SPON1: variants seen among roughly 807,000 people sequenced by gnomAD.
SPON1 encodes the protein spondin 1, also known as spondin-1.
In SPON1, 52 loss-of-function variants were observed where a neutral mutation model predicts 111.7. That is an observed-to-expected ratio of 0.47 (90% confidence interval 0.37 to 0.59). The LOEUF (loss-of-function observed/expected upper bound fraction) is 0.59. SPON1 is among the 20% of genes least tolerant of loss of function. The pLI is 0.00. For synonymous variants in SPON1, 410 were observed against 395.8 expected, an observed-to-expected ratio of 1.04 and a Z score of -0.43; for missense variants, 957 against 1,068.5, an observed-to-expected ratio of 0.90 and a Z score of 1.46.
At chr11:14,183,105 A>T (rs782292986) in intron 6 of SPON1, among the ~76,000 whole-genome samples, 1 of 152,264 alleles carries the variant, frequency 6.6e-6, no homozygotes, top group Non-Finnish European at 1.5e-5. Flanking sequence ...GGCAGCAATT[A>T]AACTTAAATT....
At chr11:14,024,136 G>A (rs782795659) in intron 2 of SPON1, among the ~76,000 whole-genome samples, 3 of 152,194 alleles carry the variant, frequency 2.0e-5, no homozygotes, top group Non-Finnish European at 2.9e-5. Context: ...AGATGGACAG[G>A]TGCAGAGGTC....
intron 5 of SPON1, among the ~76,000 whole-genome samples, chr11:14,084,538 C>T (rs1418030557): frequency 6.6e-6 from 1 of 152,146 alleles, no homozygotes; most frequent in Non-Finnish European, 1.5e-5. Context: ...TTTCTTTATC[C>T]AGTCTATCAC....
At chr11:14,116,212 C>A (rs1036878658) in intron 5 of SPON1, among the ~76,000 whole-genome samples, 2 of 152,028 alleles carry the variant, frequency 1.3e-5, no homozygotes, top group African/African-American at 4.8e-5. Context: ...CTTTTCTAAT[C>A]TTTTGGTAAA....
In SPON1 at chr11:14,256,491, A is replaced by G. The variant is rs535615555; in HGVS notation, c.1234-126A>G. Reference sequence around the variant, plus strand: ...TCAGGCAGATTGTAAATGTTGGTCCAGAACTTTGCCATGGCATACGATTTG... The same window carrying G: ...TCAGGCAGATTGTAAATGTTGGTCCGGAACTTTGCCATGGCATACGATTTG... On this transcript the variant is annotated intron_variant, in intron 9 of 15. Coordinates refer to ENST00000576479, the MANE Select transcript of SPON1 (RefSeq NM_006108.4). 3.8e-4 allele frequency: 238 copies of G among 625,776 alleles called. 1 individual carries two copies. The highest frequency in any genetic ancestry group is 5.9e-4 in the Non-Finnish European group (214 of 360,054). 38.8% of individuals were successfully genotyped at this position (625,776 alleles called of 1,614,324 possible). A position where few individuals can be genotyped will look rare whatever the true frequency, so the allele number is the denominator to read the frequency against.
Position 14,262,953 on chromosome 11 carries a change from G to A in SPON1, c.2238G>A (p.Glu746=), listed in dbSNP as rs1170702960. The change falls in exon 15 of 16, where the codon GAG becomes GAA. Residue 746 remains glutamate (E), a synonymous_variant. Transcript: ENST00000576479. ...ESRRSEQLKE[E]SEGEQFPGCR... ...GGCGGAGTGAGCAGCTGAAGGAAGA[G>A]TCTGAAGGGGAGCAGTTCCCAGGTA... 1.2e-6 allele frequency: 2 copies of A among 1,613,216 alleles called. No homozygotes were observed. The highest frequency in any genetic ancestry group is 2.2e-5 in the East Asian group (1 of 44,836).
At chr11:14,088,346 A>G (rs1849023190) in intron 5 of SPON1, among the ~76,000 whole-genome samples, 1 of 152,136 alleles carries the variant, frequency 6.6e-6, no homozygotes, top group African/African-American at 2.4e-5. Context: ...ATCCCTCAGC[A>G]TTTGCTTGTC....
At chr11:14,127,680 T>C (rs1262678646) in intron 5 of SPON1, among the ~76,000 whole-genome samples, 1 of 152,266 alleles carries the variant, frequency 6.6e-6, no homozygotes, top group Middle Eastern at 3.2e-3. Context: ...GAGCGTTTAA[T>C]GAGATAACAT....
chr11:14,122,625 T>C (rs782527036), intron 5 of SPON1, among the ~76,000 whole-genome samples: 15 of 152,232 alleles, frequency 9.9e-5, no homozygotes, highest in Non-Finnish European at 1.8e-4. Flanking sequence ...TCATTTTGAA[T>C]TGTTTTCATC....
At chr11:14,225,327 C>T (rs77580846) in intron 6 of SPON1, among the ~76,000 whole-genome samples, 1,630 of 152,188 alleles carry the variant, frequency 0.011, 15 homozygotes, top group Non-Finnish European at 0.015. Flanking sequence ...CTACAAAGAA[C>T]ATATTTTGTA....
chr11:14,109,187 T>C (rs569741073), intron 5 of SPON1, among the ~76,000 whole-genome samples: 47 of 152,162 alleles, frequency 3.1e-4, no homozygotes, highest in Non-Finnish European at 5.9e-4. Context: ...TGTTTATCAT[T>C]CTGCACTTGA....
At chr11:14,134,138 A>G (rs118178610) in intron 5 of SPON1, among the ~76,000 whole-genome samples, 841 of 152,004 alleles carry the variant, frequency 5.5e-3, no homozygotes, top group Non-Finnish European at 0.01. Flanking sequence ...TGGGAAACTG[A>G]AAATGTTAGT....
intron 6 of SPON1, among the ~76,000 whole-genome samples, chr11:14,169,333 A>G (rs1554932182): frequency 6.7e-6 from 1 of 148,662 alleles, no homozygotes; most frequent in Non-Finnish European, 1.5e-5. Flanking sequence ...TCCTTCACCC[A>G]CTTTTTGATG....
intron 13 of SPON1, among the ~76,000 whole-genome samples, chr11:14,260,038 A>G (rs992887279): frequency 2.0e-5 from 3 of 152,084 alleles, no homozygotes; most frequent in Non-Finnish European, 2.9e-5. Context: ...CGGGACATAC[A>G]TTACCCAGGT....
intron 2 of SPON1, among the ~76,000 whole-genome samples, chr11:13,989,741 T>A (rs1330448346): frequency 6.6e-6 from 1 of 152,226 alleles, no homozygotes; most frequent in Non-Finnish European, 1.5e-5. Context: ...TTCTGGTATG[T>A]TGTGTCTTCG....
chr11:14,013,524 A>G (rs1019439630), intron 2 of SPON1, among the ~76,000 whole-genome samples: 1 of 152,164 alleles, frequency 6.6e-6, no homozygotes, highest in East Asian at 1.9e-4. Context: ...TAACTCACCA[A>G]TGGGTTTGTG....
chr11:14,030,649 A>G (rs1245473013), intron 2 of SPON1, among the ~76,000 whole-genome samples: 1 of 152,248 alleles, frequency 6.6e-6, no homozygotes, highest in Non-Finnish European at 1.5e-5. Flanking sequence ...TCAAAACTAC[A>G]ACGAGGCACC....
At position 14,265,868 on chromosome 11, in the gene SPON1, C is replaced by G; in HGVS notation, c.*181C>G. On this transcript the variant is annotated 3_prime_UTR_variant, in exon 16 of 16. Transcript: ENST00000576479. Reference sequence around the variant, plus strand: ...CTGAATACTTCTTGATGGGTACAGGCTGAGTGGGGCGCCCTCACCTCCAGC... The same window carrying G: ...CTGAATACTTCTTGATGGGTACAGGGTGAGTGGGGCGCCCTCACCTCCAGC... The G allele has an allele frequency of 1.5e-6, 1 of 661,704 alleles. No homozygotes were observed. The highest frequency in any genetic ancestry group is 2.4e-6 in the Non-Finnish European group (1 of 409,908). 41.0% of individuals were successfully genotyped at this position (661,704 alleles called of 1,614,324 possible).
chr11:13,962,881 G>A lies in SPON1; in HGVS notation c.-24G>A. 1 of 1,444,288 alleles carries A rather than the reference G, an allele frequency of 6.9e-7. No homozygotes were observed. The highest frequency in any genetic ancestry group is 9.1e-7 in the Non-Finnish European group (1 of 1,104,766). The allele number at this position is 1,444,288 out of a possible 1,614,324, so 89.5% of individuals were successfully genotyped here. On this transcript the variant is annotated 5_prime_UTR_variant, in exon 1 of 16. Transcript: ENST00000576479. ...TCGCGTGGCGAAGGCCTGCGGCCGC[G>A]GCACAAAGTTGGGGGCCGCGAAGAT...
intron 6 of SPON1, among the ~76,000 whole-genome samples, chr11:14,155,051 T>A (rs942536476): frequency 6.6e-6 from 1 of 152,206 alleles, no homozygotes; most frequent in Non-Finnish European, 1.5e-5. Context: ...CATCTCCATC[T>A]GAGACCTTAG....
Sources: allele counts gnomAD v4.1 joint callset (sites outside exome capture counted in the v4.1 genomes callset), GRCh38; gene constraint gnomAD v4.1.1; transcripts MANE v1.5; gene names NCBI Gene and HGNC (gene_info 2026-07-23, HGNC 2026-07-21).